Variants in LGSN observed in about 807,000 individuals in gnomAD.
LGSN encodes lengsin.
LGSN carries 21 observed loss-of-function variants against 19.5 expected under a neutral mutation model. That is an observed-to-expected ratio of 1.07 (90% CI 0.76 to 1.55). LGSN has a LOEUF of 1.55. Among genes scored for constraint, LGSN ranks in the 40% most tolerant of loss-of-function variants. The pLI, the probability that LGSN is intolerant of heterozygous loss-of-function variation, is 0.00. For synonymous variants in LGSN, 257 were observed against 215.6 expected, an observed-to-expected ratio of 1.19 and a Z score of -1.68; for missense variants, 673 against 608.5, an observed-to-expected ratio of 1.11 and a Z score of -1.12.
chr6:63,387,952 G>A, the LGSN span, among the ~76,000 whole-genome samples: 8 of 151,986 alleles, frequency 5.3e-5, no homozygotes, highest in Non-Finnish European at 7.4e-5. Context: ...TGCAACCTCC[G>A]CCTCCCAGGC....
the LGSN span, among the ~76,000 whole-genome samples, chr6:63,368,815 C>T: frequency 1.3e-5 from 2 of 152,192 alleles, no homozygotes; most frequent in Non-Finnish European, 2.9e-5. Context: ...CACAGAGTTA[C>T]TGCAAAATAC....
the LGSN span, among the ~76,000 whole-genome samples, chr6:63,446,771 C>T: frequency 2.0e-5 from 3 of 152,140 alleles, no homozygotes; most frequent in Non-Finnish European, 2.9e-5. Context: ...TAAGTACGGC[C>T]GGGAGCAGTG....
Position 63,281,111 on chromosome 6 carries a change from A to G in LGSN, c.440T>C (p.Ile147Thr). ...GGTTGATAACTCTGGCATTAGGACT[A>G]TGTCGCTATTAAAACATGTGGCTCT... ...NIRATCFNSD[I>T]VLMPELSTFR... The change falls in exon 4 of 4, where the codon ATA becomes ACA. Residue 147 changes from isoleucine to threonine, a missense_variant. Coordinates refer to ENST00000370657, the MANE Select transcript of LGSN (RefSeq NM_016571.3). 2 of 1,613,846 alleles carry G rather than the reference A, an allele frequency of 1.2e-6. No homozygotes were observed. Among genetic ancestry groups the G allele is most frequent in the South Asian group, 1.1e-5 (1 of 91,066 alleles).
the LGSN span, among the ~76,000 whole-genome samples, chr6:63,471,256 G>A: frequency 6.8e-6 from 1 of 146,832 alleles, no homozygotes; most frequent in African/African-American, 2.5e-5. Flanking sequence ...GAGATTACAG[G>A]CATGAGCCAC....
chr6:63,356,919 A>G, the LGSN span, among the ~76,000 whole-genome samples: 19,374 of 151,054 alleles, frequency 0.13, 2,773 homozygotes, highest in African/African-American at 0.35. Flanking sequence ...CCATGTTGGT[A>G]TGCTGCACCC....
chr6:63,376,140 T>C, the LGSN span, among the ~76,000 whole-genome samples: 1 of 152,220 alleles, frequency 6.6e-6, no homozygotes, highest in Non-Finnish European at 1.5e-5. Flanking sequence ...ATTTTGCCCA[T>C]GTTCCCCCGA....
the LGSN span, among the ~76,000 whole-genome samples, chr6:63,446,739 A>G: frequency 4.6e-5 from 7 of 152,174 alleles, no homozygotes; most frequent in African/African-American, 1.7e-4. Context: ...ACCCAAGAAA[A>G]ATACAGTATA....
At chr6:63,390,586 G>C in the LGSN span, among the ~76,000 whole-genome samples, 1 of 151,688 alleles carries the variant, frequency 6.6e-6, no homozygotes, top group Non-Finnish European at 1.5e-5. Flanking sequence ...GCCAGGCGCG[G>C]TGGCTCACGC....
the LGSN span, among the ~76,000 whole-genome samples, chr6:63,443,736 C>T: frequency 6.6e-6 from 1 of 152,126 alleles, no homozygotes; most frequent in Non-Finnish European, 1.5e-5. Flanking sequence ...TGTAGGACTT[C>T]TTCATTCCTT....
chr6:63,540,076 C>A, the LGSN span, among the ~76,000 whole-genome samples: 1 of 152,108 alleles, frequency 6.6e-6, no homozygotes, highest in Non-Finnish European at 1.5e-5. Flanking sequence ...ATGCACCATG[C>A]CCCTGCACTT....
At chr6:63,324,507 ATGT>A (rs1436423747), upstream of LGSN, among the ~76,000 whole-genome samples, 7 of 152,336 alleles carry the variant, frequency 4.6e-5, no homozygotes, top group Non-Finnish European at 8.8e-5. Context: ...GACAGACTAT[ATGT>A]TAGGACACAA....
chr6:63,471,178 A>G, the LGSN span, among the ~76,000 whole-genome samples: 1 of 149,116 alleles, frequency 6.7e-6, no homozygotes, highest in Non-Finnish European at 1.5e-5. Context: ...GGGTTTTGCC[A>G]TGTTAGTCAA....
At chr6:63,568,671 C>A in the LGSN span, among the ~76,000 whole-genome samples, 7 of 146,588 alleles carry the variant, frequency 4.8e-5, no homozygotes, top group Non-Finnish European at 7.6e-5. Context: ...AAAAAAAAAA[C>A]AATATTTGCA....
At chr6:63,394,439 T>C in the LGSN span, among the ~76,000 whole-genome samples, 2,387 of 152,308 alleles carry the variant, frequency 0.016, 71 homozygotes, top group African/African-American at 0.054. Context: ...ACTAGCATCA[T>C]GATGGTTTAC....
chr6:63,408,018 G>C, the LGSN span, among the ~76,000 whole-genome samples: 1,128 of 152,134 alleles, frequency 7.4e-3, 8 homozygotes, highest in African/African-American at 0.025. Flanking sequence ...CACTGCTCAA[G>C]GAAATAAAAG....
chr6:63,368,886 TAA>T, the LGSN span, among the ~76,000 whole-genome samples: 2 of 152,216 alleles, frequency 1.3e-5, no homozygotes, highest in South Asian at 4.1e-4. Context: ...CTATTTCTGC[TAA>T]AGAGAAGTTG....
chr6:63,276,877 G>A lies in LGSN; in HGVS notation c.*3144C>T, dbSNP rs551927077. 6.6e-6 allele frequency: 1 copy of A among 152,286 alleles called. No individual in the cohort carries two copies. Among genetic ancestry groups the A allele is most frequent in the Admixed American group, 6.5e-5 (1 of 15,296 alleles). The allele number at this position is 152,286 out of a possible 1,614,324, so 9.4% of individuals were successfully genotyped here. A position where few individuals can be genotyped will look rare whatever the true frequency, so the allele number is the denominator to read the frequency against. On this transcript the variant is annotated 3_prime_UTR_variant, in exon 4 of 4. Coordinates refer to ENST00000370657, the MANE Select transcript of LGSN (RefSeq NM_016571.3). ...AACAGATGAAAGAAATAGAAAAATA[G>A]ATAACTGATTTTTACATGTACCTAC...
At chr6:63,451,779 T>C in the LGSN span, among the ~76,000 whole-genome samples, 1 of 152,060 alleles carries the variant, frequency 6.6e-6, no homozygotes, top group African/African-American at 2.4e-5. Context: ...AAGAAAAAAG[T>C]AACATAAAAA....
the LGSN span, among the ~76,000 whole-genome samples, chr6:63,327,072 A>C: frequency 9.8e-4 from 149 of 152,044 alleles, no homozygotes; most frequent in Middle Eastern, 3.4e-3. Context: ...GCTGATGACC[A>C]CTCTAGCTAC....
Sources: allele counts gnomAD v4.1 joint callset (sites outside exome capture counted in the v4.1 genomes callset), GRCh38; gene constraint gnomAD v4.1.1; transcripts MANE v1.5; gene names NCBI Gene and HGNC (gene_info 2026-07-23, HGNC 2026-07-21).